THSD7B: variants seen among roughly 807,000 people sequenced by gnomAD.
The protein encoded by THSD7B is thrombospondin type 1 domain containing 7B, also known as thrombospondin type-1 domain-containing protein 7B.
Under a neutral mutation model 213.6 loss-of-function variants are expected in THSD7B, and 138 were observed. The observed-to-expected ratio is 0.65, with a 90% CI of 0.56 to 0.74. The LOEUF is 0.74. Among genes scored for constraint, THSD7B ranks in the 30% least tolerant of loss-of-function variants. The pLI is 0.00. For missense variants in THSD7B, 1,931 were observed against 1,991.5 expected (o/e 0.97, Z 0.58); for synonymous variants, 742 against 687.0 (o/e 1.08, Z -1.25).
chr2:136,949,857 A>C (rs1372625793), intron 2 of THSD7B, among the ~76,000 whole-genome samples: 1 of 152,238 alleles, frequency 6.6e-6, no homozygotes, highest in Non-Finnish European at 1.5e-5. Context: ...AAGGAATATA[A>C]ATCATTGTAC....
At chr2:137,104,896 T>G (rs769417368) in intron 4 of THSD7B, among the ~76,000 whole-genome samples, 17 of 152,170 alleles carry the variant, frequency 1.1e-4, no homozygotes, top group African/African-American at 1.4e-4. Context: ...TGACAAGTTC[T>G]GAAATTGAGG....
At chr2:137,551,057 A>C (rs1463756537) in intron 15 of THSD7B, among the ~76,000 whole-genome samples, 1 of 151,944 alleles carries the variant, frequency 6.6e-6, no homozygotes, top group East Asian at 1.9e-4. Flanking sequence ...TGAAGTAATC[A>C]AAAGATAAAA....
intron 5 of THSD7B, among the ~76,000 whole-genome samples, chr2:137,119,118 T>TG (rs1307471226): frequency 1.3e-5 from 2 of 152,196 alleles, no homozygotes; most frequent in African/African-American, 2.4e-5. Context: ...GAGTAGTATA[T>TG]GGAAACTTAA....
chr2:137,313,787 A>T (rs1210486429), intron 12 of THSD7B, among the ~76,000 whole-genome samples: 1 of 152,166 alleles, frequency 6.6e-6, no homozygotes, highest in Non-Finnish European at 1.5e-5. Context: ...GCTGTATATG[A>T]AATTCTGGGT....
At chr2:137,603,395 T>C (rs182642632) in intron 17 of THSD7B, among the ~76,000 whole-genome samples, 1 of 152,336 alleles carries the variant, frequency 6.6e-6, no homozygotes, top group East Asian at 1.9e-4. Context: ...AATTAAAATG[T>C]GCTAAAATGG....
At chr2:137,339,650 A>G (rs1684715418) in intron 12 of THSD7B, among the ~76,000 whole-genome samples, 1 of 152,004 alleles carries the variant, frequency 6.6e-6, no homozygotes, top group African/African-American at 2.4e-5. Context: ...GGTCATCATC[A>G]TGTGACTCTA....
At chr2:137,520,271 A>T (rs1293095272) in intron 15 of THSD7B, among the ~76,000 whole-genome samples, 1 of 152,092 alleles carries the variant, frequency 6.6e-6, no homozygotes, top group East Asian at 1.9e-4. Context: ...GTCCAGCTTT[A>T]TTGTTCTGTT....
chr2:137,256,758 A>G (rs567415316), intron 10 of THSD7B, among the ~76,000 whole-genome samples: 1 of 152,344 alleles, frequency 6.6e-6, no homozygotes, highest in African/African-American at 2.4e-5. Flanking sequence ...TGGAAAAATT[A>G]GGGGACCATT....
At chr2:137,150,498 C>A (rs1304408844) in intron 5 of THSD7B, among the ~76,000 whole-genome samples, 1 of 151,996 alleles carries the variant, frequency 6.6e-6, no homozygotes, top group Non-Finnish European at 1.5e-5. Context: ...AGGGGCTTCC[C>A]CCCCTACACT....
chr2:137,569,699 G>A (rs556489265), intron 16 of THSD7B, among the ~76,000 whole-genome samples: 8 of 152,026 alleles, frequency 5.3e-5, no homozygotes, highest in African/African-American at 9.6e-5. Context: ...TTTCAGATGC[G>A]CTAAGGAGTT....
At chr2:137,291,565 C>A (rs1683338941) in intron 12 of THSD7B, among the ~76,000 whole-genome samples, 1 of 152,062 alleles carries the variant, frequency 6.6e-6, no homozygotes, top group Non-Finnish European at 1.5e-5. Flanking sequence ...TCTGGAAAGT[C>A]AAATGCAGAA....
intron 17 of THSD7B, among the ~76,000 whole-genome samples, chr2:137,586,831 G>A (rs1039802839): frequency 6.6e-6 from 1 of 152,136 alleles, no homozygotes; most frequent in Middle Eastern, 3.2e-3. Context: ...TGCTCTCCTT[G>A]AGGAATATCT....
In THSD7B at chr2:137,242,457, A is replaced by G; in HGVS notation, c.2151A>G (p.Arg717=). 5 of 1,612,158 alleles carry G rather than the reference A, an allele frequency of 3.1e-6. No homozygotes were observed. The highest frequency in any genetic ancestry group is 4.2e-6 in the Non-Finnish European group (5 of 1,178,298). Residue 717 remains arginine (R), a splice_region_variant and synonymous_variant, in exon 10 of 28, where the codon AGA becomes AGG. Transcript: ENST00000409968. ...KSHVGQVMTK[R]CPDSTRPETV... ...TGACATGGTCTTTTCACATTGACAG[A>G]TGTCCAGATTCTACTCGACCTGAAA...
intron 27 of THSD7B, among the ~76,000 whole-genome samples, chr2:137,673,119 A>G (rs1683615013): frequency 6.6e-6 from 1 of 152,192 alleles, no homozygotes; most frequent in Non-Finnish European, 1.5e-5. Flanking sequence ...TGCTTTCATC[A>G]AACTAGTTAA....
At chr2:137,473,283 G>A (rs374942321) in intron 15 of THSD7B, among the ~76,000 whole-genome samples, 4 of 151,642 alleles carry the variant, frequency 2.6e-5, no homozygotes, top group South Asian at 4.2e-4. Context: ...GCGGTGGTGC[G>A]ATCTCAGCTC....
At chr2:137,035,700 G>A (rs1156740530) in intron 2 of THSD7B, among the ~76,000 whole-genome samples, 3 of 152,010 alleles carry the variant, frequency 2.0e-5, no homozygotes, top group Non-Finnish European at 4.4e-5. Context: ...AATCCCCAGT[G>A]CTTTCTGTGT....
intron 1 of THSD7B, among the ~76,000 whole-genome samples, chr2:136,803,998 G>A (rs1682239456): frequency 1.3e-5 from 2 of 152,240 alleles, no homozygotes; most frequent in Middle Eastern, 3.4e-3. Context: ...CAATTCAAAT[G>A]GTAATGTCTC....
At chr2:137,652,223 T>C (rs1456371976) in intron 21 of THSD7B, among the ~76,000 whole-genome samples, 3 of 152,076 alleles carry the variant, frequency 2.0e-5, no homozygotes, top group Non-Finnish European at 2.9e-5. Context: ...GTTTTCTTTA[T>C]ATACTTGGGA....
At chr2:136,824,045 T>C (rs984549876) in intron 1 of THSD7B, among the ~76,000 whole-genome samples, 2 of 152,138 alleles carry the variant, frequency 1.3e-5, no homozygotes, top group South Asian at 4.1e-4. Context: ...CTCACAACAA[T>C]GTACTAAACT....
Sources: gnomAD v4.1 joint callset for allele counts (sites outside exome capture counted in the v4.1 genomes callset) on GRCh38, gnomAD v4.1.1 for gene constraint, MANE v1.5 for transcripts, NCBI Gene and HGNC (gene_info 2026-07-23, HGNC 2026-07-21) for gene names.